The following WDR25 variants were observed in gnomAD, a reference collection of about 807,000 sequenced individuals.
The protein encoded by WDR25 is WD repeat domain 25, also known as WD repeat-containing protein 25.
Under a neutral mutation model 47.7 loss-of-function variants are expected in WDR25, and 35 were observed. That is an observed-to-expected ratio of 0.73 (90% CI 0.56 to 0.97). The LOEUF is 0.97. WDR25 is among the 50% of genes least tolerant of loss of function. The probability of loss-of-function intolerance (pLI) is 0.00; values close to 1 mark genes in which losing one functional copy is unlikely to be tolerated. For synonymous variants in WDR25, 248 were observed against 278.9 expected (o/e 0.89, Z 1.10); for missense variants, 634 against 704.7 (o/e 0.90, Z 1.14).
At chr14:100,527,491 TC>T (rs1223648609) in intron 5 of WDR25, among the ~76,000 whole-genome samples, 1 of 152,254 alleles carries the variant, frequency 6.6e-6, no homozygotes, top group Non-Finnish European at 1.5e-5. Flanking sequence ...CACCTTCTTT[TC>T]CTCCCTGCCT....
intron 4 of WDR25, among the ~76,000 whole-genome samples, chr14:100,491,880 T>C (rs1477290641): frequency 6.6e-6 from 1 of 152,184 alleles, no homozygotes; most frequent in African/African-American, 2.4e-5. Flanking sequence ...CCAACGTATC[T>C]GTGAGAGCAG....
rs1386905374 is a variant in WDR25 at position 100,449,837 on chromosome 14, T to C, written c.823-18184T>C. On this transcript the variant is annotated intron_variant, in intron 2 of 6. Transcript: ENST00000402312. The surrounding 1 kb of genome is among the most constrained non-coding windows in gnomAD (Gnocchi z 4.2). ...AGGTTCTGGCTCTCCCTGCCTCTGC[T>C]ATGGTGTGATCAGAAGGGGGCTGTC... 1.3e-5 allele frequency among the ~76,000 whole-genome samples: 2 copies of C among 152,196 alleles called. No homozygotes were observed. Among genetic ancestry groups the C allele is most frequent in the Non-Finnish European group, 2.9e-5 (2 of 68,026 alleles).
intron 2 of WDR25, among the ~76,000 whole-genome samples, chr14:100,433,607 T>C (rs1405857758): frequency 1.3e-5 from 2 of 152,242 alleles, no homozygotes; most frequent in Non-Finnish European, 2.9e-5. Context: ...TCAGTCCCTA[T>C]GATCACGCTT....
intron 4 of WDR25, among the ~76,000 whole-genome samples, chr14:100,508,882 A>G (rs992700315): frequency 6.6e-6 from 1 of 152,182 alleles, no homozygotes; most frequent in African/African-American, 2.4e-5. Flanking sequence ...TGTTCTGCTA[A>G]TATGTTGAAT....
At chr14:100,394,446 A>G (rs1216864805) in intron 2 of WDR25, among the ~76,000 whole-genome samples, 4 of 152,192 alleles carry the variant, frequency 2.6e-5, no homozygotes, top group Admixed American at 1.3e-4. Flanking sequence ...GAGCAGAGAA[A>G]GCACTCAGTG....
At chr14:100,446,708 GC>G (rs1305135051) in intron 2 of WDR25, among the ~76,000 whole-genome samples, 4 of 152,200 alleles carry the variant, frequency 2.6e-5, no homozygotes, top group Non-Finnish European at 5.9e-5. Context: ...GTGTCTGAAA[GC>G]TTGTGAGTAA....
intron 3 of WDR25, among the ~76,000 whole-genome samples, chr14:100,475,257 T>C (rs1334201150): frequency 6.6e-6 from 1 of 152,228 alleles, no homozygotes; most frequent in Non-Finnish European, 1.5e-5. Context: ...TACCGTATGA[T>C]CCTGCAATCC....
intron 2 of WDR25, among the ~76,000 whole-genome samples, chr14:100,439,787 A>G (rs1334133767): frequency 1.3e-5 from 2 of 152,208 alleles, no homozygotes; most frequent in African/African-American, 4.8e-5. Context: ...CACACTCTCC[A>G]TATTTTCTCC....
At position 100,377,606 on chromosome 14, in the gene WDR25, G is replaced by T. The variant is rs569372137; in HGVS notation, c.-16+1111G>T. The stretch of plus-strand genomic sequence containing the variant: ...ATTACAGGCGTGAGCCACCGCGCCC[G>T]GTCGTTTTATTTAAACTCTGGCTTT... On this transcript the variant is annotated intron_variant, in intron 1 of 6. Coordinates refer to ENST00000402312, the MANE Select transcript of WDR25 (RefSeq NM_001161476.3). Among the ~76,000 whole-genome samples the T allele has an allele frequency of 1.8e-4, 28 of 151,666 alleles. 1 individual carries two copies. The highest frequency in any genetic ancestry group is 6.8e-4 in the African/African-American group (28 of 41,302).
At chr14:100,527,456 G>A (rs1371824665) in intron 5 of WDR25, among the ~76,000 whole-genome samples, 1 of 152,194 alleles carries the variant, frequency 6.6e-6, no homozygotes, top group Non-Finnish European at 1.5e-5. Flanking sequence ...ATATGTGGGT[G>A]TACATGAAAT....
At chr14:100,496,696 C>A (rs1900737103) in intron 4 of WDR25, among the ~76,000 whole-genome samples, 1 of 151,980 alleles carries the variant, frequency 6.6e-6, no homozygotes, top group Non-Finnish European at 1.5e-5. Context: ...AATCCAATTA[C>A]AAATACTTTC....
chr14:100,468,804 G>A lies in WDR25; in HGVS notation c.970+636G>A, dbSNP rs1054917917. ...GTGGGCTCTCTCCGGGGTTTACAGT[G>A]AGGACTGCCAGGGAGTGACAGAGCT... On this transcript the variant is annotated intron_variant, in intron 3 of 6. Transcript: ENST00000402312. This position sits in a 1 kb window ranked among gnomAD's most constrained non-coding sequence, Gnocchi z 4.5. Among the ~76,000 whole-genome samples, 6 of 152,096 alleles carry A rather than the reference G, an allele frequency of 3.9e-5. No individual in the cohort carries two copies. The highest frequency in any genetic ancestry group is 1.2e-4 in the African/African-American group (5 of 41,396).
chr14:100,492,685 AT>A (rs748126090), intron 4 of WDR25, among the ~76,000 whole-genome samples: 7 of 148,588 alleles, frequency 4.7e-5, no homozygotes, highest in South Asian at 2.1e-4. Flanking sequence ...AAATTTATTT[AT>A]TTTTTTTTAC....
intron 4 of WDR25, among the ~76,000 whole-genome samples, chr14:100,485,627 G>A (rs954616669): frequency 3.3e-5 from 5 of 152,200 alleles, no homozygotes; most frequent in South Asian, 2.1e-4. Flanking sequence ...GGGGAGCCAC[G>A]GGAGGTTTGT....
At chr14:100,459,010 C>T (rs1595109166) in intron 2 of WDR25, among the ~76,000 whole-genome samples, 1 of 151,972 alleles carries the variant, frequency 6.6e-6, no homozygotes, top group African/African-American at 2.4e-5. Flanking sequence ...CAAATTCAAC[C>T]CAAATAAGCC....
At chr14:100,492,879 A>G (rs886137322) in intron 4 of WDR25, among the ~76,000 whole-genome samples, 3 of 152,142 alleles carry the variant, frequency 2.0e-5, no homozygotes, top group Middle Eastern at 3.2e-3. Flanking sequence ...TGGCATTATC[A>G]TATCTCACTG....
At chr14:100,382,808 G>A (rs1896936373) in intron 2 of WDR25, among the ~76,000 whole-genome samples, 1 of 152,210 alleles carries the variant, frequency 6.6e-6, no homozygotes, top group African/African-American at 2.4e-5. Flanking sequence ...TAGCTAGCTG[G>A]TCGACCACTG....
At chr14:100,483,923 A>C in intron 3 of WDR25, 71 bp from the exon 4 acceptor site, 1 of 1,530,152 alleles carries the variant, frequency 6.5e-7, no homozygotes. Flanking sequence ...ACCAGATGGC[A>C]TCTTAGTTTT....
chr14:100,454,597 C>T (rs900788466), intron 2 of WDR25: 1 of 487,230 alleles, frequency 2.1e-6, no homozygotes, highest in Admixed American at 2.5e-5. Flanking sequence ...CGTCTACCCT[C>T]CAAAGAAGGA....
Sources: allele counts gnomAD v4.1 joint callset (sites outside exome capture counted in the v4.1 genomes callset), GRCh38; gene constraint gnomAD v4.1.1; non-coding constraint Gnocchi (gnomAD v3.1); transcripts MANE v1.5; gene names NCBI Gene and HGNC (gene_info 2026-07-23, HGNC 2026-07-21).